Variants in KCNH1 observed in about 807,000 individuals in gnomAD.
KCNH1 encodes voltage-gated delayed rectifier potassium channel KCNH1.
KCNH1 carries 27 observed loss-of-function variants against 69.2 expected under a neutral mutation model. The observed-to-expected ratio is 0.39, with a 90% CI of 0.29 to 0.54. The LOEUF is 0.54. Among genes scored for constraint, KCNH1 ranks in the 20% least tolerant of loss-of-function variants. The pLI is 0.68. For missense variants in KCNH1, 798 were observed against 1,261.6 expected (o/e 0.63, Z 5.57); for synonymous variants, 456 against 487.7 (o/e 0.93, Z 0.86).
intron 10 of KCNH1, among the ~76,000 whole-genome samples, chr1:210,763,034 T>C (rs962818784): frequency 3.3e-5 from 5 of 152,186 alleles, no homozygotes; most frequent in African/African-American, 7.2e-5. Context: ...TGTGAGCAAG[T>C]GGGCTTTATT....
intron 7 of KCNH1, among the ~76,000 whole-genome samples, chr1:210,819,991 G>A (rs61827581): frequency 0.16 from 25,069 of 152,268 alleles, 2,723 homozygotes; most frequent in Non-Finnish European, 0.25. Flanking sequence ...GGCTCCTCCA[G>A]CCAAATCGTG....
intron 10 of KCNH1, among the ~76,000 whole-genome samples, chr1:210,745,513 G>A (rs1304812243): frequency 6.6e-6 from 1 of 152,158 alleles, no homozygotes; most frequent in Admixed American, 6.5e-5. Flanking sequence ...AGAAACGATG[G>A]TCACTAGACT....
At chr1:210,922,704 A>G (rs75468737) in intron 6 of KCNH1, among the ~76,000 whole-genome samples, 12,011 of 152,270 alleles carry the variant, frequency 0.079, 675 homozygotes, top group South Asian at 0.18. Context: ...AAGACTAATG[A>G]GGGTAAATGG....
intron 10 of KCNH1, among the ~76,000 whole-genome samples, chr1:210,764,372 T>A (rs1683581717): frequency 6.6e-6 from 1 of 151,904 alleles, no homozygotes; most frequent in Admixed American, 6.6e-5. Context: ...ACAATTGGGG[T>A]CTAATTAAAT....
chr1:211,128,109 T>A (rs1691814023), intron 1 of KCNH1, among the ~76,000 whole-genome samples: 1 of 151,764 alleles, frequency 6.6e-6, no homozygotes, highest in Admixed American at 6.6e-5. Flanking sequence ...ACCAACATGG[T>A]GAAACCCTGT....
intron 6 of KCNH1, among the ~76,000 whole-genome samples, chr1:210,947,088 T>C (rs982456459): frequency 6.6e-6 from 1 of 152,212 alleles, no homozygotes; most frequent in Non-Finnish European, 1.5e-5. Flanking sequence ...AACCTACTGT[T>C]CTTGTGCCTG....
chr1:210,929,484 A>G lies in KCNH1; in HGVS notation c.1033-9415T>C, dbSNP rs114689941. Reference sequence around the variant, plus strand: ...ATCTGACAAAATTCAGCATCGCTTTATGATTAAAACTCTCAGCAAAATCTG... The same window carrying G: ...ATCTGACAAAATTCAGCATCGCTTTGTGATTAAAACTCTCAGCAAAATCTG... On this transcript the variant is annotated intron_variant, in intron 6 of 10. Transcript: ENST00000271751. Among the ~76,000 whole-genome samples, 869 of 152,318 alleles carry G rather than the reference A, an allele frequency of 5.7e-3. 9 individuals carry two copies. The highest frequency in any genetic ancestry group is 0.019 in the African/African-American group (795 of 41,568).
intron 1 of KCNH1, among the ~76,000 whole-genome samples, chr1:211,116,373 A>G (rs139966963): frequency 5.5e-4 from 84 of 152,276 alleles, no homozygotes; most frequent in African/African-American, 1.8e-3. Flanking sequence ...CAGAGCCACA[A>G]CTTGCAAATT....
chr1:210,969,574 A>C (rs748411859), intron 6 of KCNH1, among the ~76,000 whole-genome samples: 1 of 151,992 alleles, frequency 6.6e-6, no homozygotes, highest in Non-Finnish European at 1.5e-5. Flanking sequence ...TAAATGCTTA[A>C]TTTTCTCTTA....
chr1:210,688,437 C>T (rs2149003605), intron 10 of KCNH1, among the ~76,000 whole-genome samples: 1 of 152,332 alleles, frequency 6.6e-6, no homozygotes, highest in East Asian at 1.9e-4. Context: ...AGCCATCCCC[C>T]TGTTTGTGAA....
Position 210,683,330 on chromosome 1 carries a change from G to A in KCNH1, c.2921C>T (p.Ser974Leu), listed in dbSNP as rs753939827. ...SQSPQELFEI[S>L]RPQSPESERD... is the part of the protein sequence containing the mutation. The stretch of plus-strand genomic sequence containing the variant: ...CTCTGATTCTGGGGACTGTGGCCTC[G>A]ATATTTCAAACAACTCCTGAGGAGA... The change falls in exon 11 of 11, where the codon TCG (serine) becomes TTG (leucine). Residue 974 changes from serine (S) to leucine (L), a missense_variant. Around this residue, in one of 4 missense-constraint regions of KCNH1, gnomAD observed 331 missense variants for 363.2 expected, o/e 0.91. Coordinates refer to ENST00000271751, the MANE Select transcript of KCNH1 (RefSeq NM_172362.3). The surrounding 1 kb of genome is among the most constrained non-coding windows in gnomAD (Gnocchi z 5.7). 9 of 1,613,886 alleles carry A rather than the reference G, an allele frequency of 5.6e-6. No homozygotes were observed. The East Asian group carries it at 1.1e-4, about 20-fold the overall frequency.
chr1:210,902,144 C>A (rs1408105339), intron 7 of KCNH1, among the ~76,000 whole-genome samples: 12 of 152,286 alleles, frequency 7.9e-5, no homozygotes, highest in Non-Finnish European at 1.6e-4. Flanking sequence ...GGAGAGGGCA[C>A]CCGCCCCTAC....
rs1175479730 is a variant in KCNH1, at chr1:211,111,959, C to T, written c.80-4582G>A. 1.5e-4 allele frequency among the ~76,000 whole-genome samples: 16 copies of T among 107,940 alleles called. 1 individual carries two copies. Among genetic ancestry groups the T allele is most frequent in the African/African-American group, 1.9e-4 (5 of 26,358 alleles). The allele number at this position is 107,940 out of a possible 152,430, so 70.8% of individuals were successfully genotyped here. ...GAAGTGAGGTGCCCCTCTGCCTGGC[C>T]ACTGCACTGTCTGGGAAGTGAGGAG... On this transcript the variant is annotated intron_variant, in intron 1 of 10. Coordinates refer to ENST00000271751, the MANE Select transcript of KCNH1 (RefSeq NM_172362.3).
intron 1 of KCNH1, among the ~76,000 whole-genome samples, chr1:211,121,925 G>A (rs1691693126): frequency 6.6e-6 from 1 of 152,164 alleles, no homozygotes; most frequent in Non-Finnish European, 1.5e-5. Flanking sequence ...CACGAGGTCA[G>A]GAGATCGAGA....
In KCNH1 at chr1:210,679,438, T is replaced by C. The variant is rs1681213170; in HGVS notation, c.*3843A>G. The C allele has an allele frequency of 6.6e-6, 1 of 152,156 alleles. No homozygotes were observed. The highest frequency in any genetic ancestry group is 1.5e-5 in the Non-Finnish European group (1 of 68,032). The allele number at this position is 152,156 out of a possible 1,614,324, so 9.4% of individuals were successfully genotyped here. A position where few individuals can be genotyped will look rare whatever the true frequency, so the allele number is the denominator to read the frequency against. ...ATCAAATGCACATCAGCAACGTGTA[T>C]CTCCACCAGGGCTCCTAAAATTTCC... On this transcript the variant is annotated 3_prime_UTR_variant, in exon 11 of 11. Transcript: ENST00000271751.
At chr1:210,694,478 A>G (rs930116352) in intron 10 of KCNH1, among the ~76,000 whole-genome samples, 2 of 152,034 alleles carry the variant, frequency 1.3e-5, no homozygotes, top group African/African-American at 4.8e-5. Flanking sequence ...ATTCCCATCC[A>G]TGCTGCCTGA....
At chr1:211,070,328 G>A (rs1272820339) in intron 5 of KCNH1, among the ~76,000 whole-genome samples, 1 of 151,838 alleles carries the variant, frequency 6.6e-6, no homozygotes, top group Non-Finnish European at 1.5e-5. Flanking sequence ...TGAGGCAGGA[G>A]AATGGCGTGA....
intron 5 of KCNH1, among the ~76,000 whole-genome samples, chr1:211,056,705 C>A (rs1349939067): frequency 6.6e-6 from 1 of 152,156 alleles, no homozygotes; most frequent in African/African-American, 2.4e-5. Context: ...AAGAGACACT[C>A]CATTGGTTTG....
rs545456985 is a variant in KCNH1 at position 210,999,386 on chromosome 1, C to T, written c.1032+19397G>A. Among the ~76,000 whole-genome samples, 50 of 152,250 alleles carry T rather than the reference C, an allele frequency of 3.3e-4. 1 individual carries two copies. Among genetic ancestry groups the T allele is most frequent in the African/African-American group, 1.2e-3 (50 of 41,556 alleles). On this transcript the variant is annotated intron_variant, in intron 6 of 10. Coordinates refer to ENST00000271751, the MANE Select transcript of KCNH1 (RefSeq NM_172362.3). ...TACCATCAGAGAATACTATAAACACCTCTACACAAATAAACTAGAAAATTT... is the reference window on the plus strand; with the variant it reads ...TACCATCAGAGAATACTATAAACACTTCTACACAAATAAACTAGAAAATTT...
Sources: allele counts gnomAD v4.1 joint callset (sites outside exome capture counted in the v4.1 genomes callset), GRCh38; gene constraint gnomAD v4.1.1; regional missense constraint gnomAD v4.1.1; non-coding constraint Gnocchi (gnomAD v3.1); transcripts MANE v1.5; gene names NCBI Gene and HGNC (gene_info 2026-07-23, HGNC 2026-07-21).